UBE3C: variants seen among roughly 807,000 people sequenced by gnomAD.
UBE3C encodes the protein ubiquitin-protein ligase E3C.
A neutral mutation model predicts 129.4 loss-of-function variants in UBE3C; 42 were observed. The observed-to-expected ratio is 0.32, with a 90% CI of 0.25 to 0.42. The LOEUF (loss-of-function observed/expected upper bound fraction) is 0.42. Ranked by LOEUF, UBE3C falls within the 10% of genes least tolerant of loss-of-function variation. The pLI, the probability that UBE3C is intolerant of heterozygous loss-of-function variation, is 1.00. For synonymous variants in UBE3C, 510 were observed against 492.4 expected (o/e 1.04, Z -0.47); for missense variants, 1,049 against 1,319.1 (o/e 0.80, Z 3.17).
rs562001596 is a variant in UBE3C, at chr7:157,235,092, G to A, written c.2481+3765G>A. ...TTTAATCCCAGCTACTCCAGAGGCT[G>A]AGGCAGGATAATGGCTTGAACCTGG... On this transcript the variant is annotated intron_variant, in intron 18 of 22. Transcript: ENST00000348165. 3.3e-5 allele frequency among the ~76,000 whole-genome samples: 5 copies of A among 152,284 alleles called. No individual in the cohort carries two copies. The East Asian group carries it at 9.6e-4, about 29-fold the overall frequency.
chr7:157,238,495 G>C (rs533663587), intron 18 of UBE3C, among the ~76,000 whole-genome samples: 4 of 152,154 alleles, frequency 2.6e-5, no homozygotes, highest in Admixed American at 6.6e-5. Flanking sequence ...TGGGATGTGT[G>C]AGGACAGGAG....
At chr7:157,254,563 A>G (rs940757702) in intron 21 of UBE3C, among the ~76,000 whole-genome samples, 2 of 151,364 alleles carry the variant, frequency 1.3e-5, no homozygotes, top group African/African-American at 4.8e-5. Flanking sequence ...AGGCCCAACT[A>G]ATTTTTGTAC....
intron 10 of UBE3C, among the ~76,000 whole-genome samples, chr7:157,199,734 G>A (rs1287900096): frequency 6.6e-6 from 1 of 152,062 alleles, no homozygotes; most frequent in Non-Finnish European, 1.5e-5. Context: ...GCCTCCCAAA[G>A]TGCTGGGATT....
At chr7:157,175,731 G>A (rs543491423) in intron 5 of UBE3C, among the ~76,000 whole-genome samples, 53 of 152,228 alleles carry the variant, frequency 3.5e-4, no homozygotes, top group Non-Finnish European at 6.5e-4. Flanking sequence ...CCAAAGGTAG[G>A]AATAAAGAAC....
chr7:157,165,461 G>A (rs537347344), intron 2 of UBE3C, among the ~76,000 whole-genome samples: 5 of 148,072 alleles, frequency 3.4e-5, no homozygotes, highest in South Asian at 2.1e-4. Flanking sequence ...GCAGTGGCAC[G>A]ATCTCAGCTC....
chr7:157,208,977 C>A (rs893587309), intron 13 of UBE3C, among the ~76,000 whole-genome samples: 3 of 152,240 alleles, frequency 2.0e-5, no homozygotes, highest in Non-Finnish European at 4.4e-5. Context: ...CAGTTCGAGT[C>A]ATCAGCTGTC....
chr7:157,163,778 C>T (rs989755687), intron 1 of UBE3C, 32 bp from the exon 2 acceptor site: 13 of 1,603,184 alleles, frequency 8.1e-6, no homozygotes, highest in African/African-American at 1.3e-5. Context: ...GAAATTATAA[C>T]CTTACCTCCT....
chr7:157,264,236 G>A, intron 22 of UBE3C, among the ~76,000 whole-genome samples: 1 of 140,464 alleles, frequency 7.1e-6, no homozygotes, highest in African/African-American at 2.8e-5. Flanking sequence ...TGCTCGGCCT[G>A]TTACACACAC....
At chr7:157,165,492 G>C (rs113639813) in intron 2 of UBE3C, among the ~76,000 whole-genome samples, 2 of 151,320 alleles carry the variant, frequency 1.3e-5, no homozygotes, top group Non-Finnish European at 2.9e-5. Flanking sequence ...CCGCCTTCCA[G>C]GTTCAAGCGA....
At chr7:157,178,051 G>C (rs900482903) in intron 5 of UBE3C, among the ~76,000 whole-genome samples, 1 of 151,942 alleles carries the variant, frequency 6.6e-6, no homozygotes, top group Non-Finnish European at 1.5e-5. Context: ...GGATTGGGGT[G>C]GGGGGAAAGA....
At position 157,257,144 on chromosome 7, in the gene UBE3C, T is replaced by C. The variant is rs186354708; in HGVS notation, c.3081+100T>C. On this transcript the variant is annotated intron_variant, in intron 22 of 22. Coordinates refer to ENST00000348165, the MANE Select transcript of UBE3C (RefSeq NM_014671.3). Reference sequence around the variant, plus strand: ...AAATGAAGTCCTTTTACATACACTTTTGTTTTTATCTTCAGCTAGATTTTT... The same window carrying C: ...AAATGAAGTCCTTTTACATACACTTCTGTTTTTATCTTCAGCTAGATTTTT... The C allele has an allele frequency of 9.9e-4, 1,461 of 1,482,060 alleles. 1 individual carries two copies. Among genetic ancestry groups the C allele is most frequent in the Non-Finnish European group, 7.3e-4 (796 of 1,097,730 alleles). The allele number at this position is 1,482,060 out of a possible 1,614,324, so 91.8% of individuals were successfully genotyped here.
intron 6 of UBE3C, among the ~76,000 whole-genome samples, chr7:157,180,106 C>G (rs529601496): frequency 6.6e-6 from 1 of 152,266 alleles, no homozygotes; most frequent in African/African-American, 2.4e-5. Flanking sequence ...AAAAATCTTA[C>G]ACAGAAACTG....
At chr7:157,212,922 T>C (rs1334400422) in intron 13 of UBE3C, among the ~76,000 whole-genome samples, 1 of 151,984 alleles carries the variant, frequency 6.6e-6, no homozygotes, top group Non-Finnish European at 1.5e-5. Flanking sequence ...CACACCCGGC[T>C]AATTTTTGTA....
chr7:157,207,001 T>C (rs1809452350), intron 11 of UBE3C, among the ~76,000 whole-genome samples: 1 of 152,242 alleles, frequency 6.6e-6, no homozygotes, highest in African/African-American at 2.4e-5. Context: ...CAGAATGATT[T>C]GCCTTTATTA....
At chr7:157,153,872 G>A (rs1412410482) in intron 1 of UBE3C, among the ~76,000 whole-genome samples, 1 of 151,904 alleles carries the variant, frequency 6.6e-6, no homozygotes, top group African/African-American at 2.4e-5. Flanking sequence ...ATGTACCTGT[G>A]GTTTCAGTTA....
At chr7:157,211,191 A>AGAGAGAGAGAGAGC (rs1481725592) in intron 13 of UBE3C, among the ~76,000 whole-genome samples, 2 of 151,586 alleles carry the variant, frequency 1.3e-5, no homozygotes, top group African/African-American at 4.9e-5. Context: ...AGAGAGAGAG[A>AGAGAGAGAGAGAGC]GAGCCATACT....
intron 4 of UBE3C, among the ~76,000 whole-genome samples, chr7:157,171,687 T>TAGATATA (rs1491094674): frequency 3.2e-4 from 2 of 6,178 alleles, no homozygotes; most frequent in African/African-American, 1.7e-3. Flanking sequence ...TATATATATA[T>TAGATATA]TTTTTTTTTT....
intron 11 of UBE3C, among the ~76,000 whole-genome samples, chr7:157,207,025 G>A (rs1809452965): frequency 6.6e-6 from 1 of 152,238 alleles, no homozygotes; most frequent in Admixed American, 6.5e-5. Flanking sequence ...ATGTTGAGTA[G>A]AAGGGAAGGG....
At chr7:157,186,269 C>G (rs551611564) in intron 9 of UBE3C, among the ~76,000 whole-genome samples, 1 of 151,916 alleles carries the variant, frequency 6.6e-6, no homozygotes, top group Non-Finnish European at 1.5e-5. Flanking sequence ...ACTAAAAATA[C>G]AAAAATTAGC....
Sources: allele counts gnomAD v4.1 joint callset (sites outside exome capture counted in the v4.1 genomes callset), GRCh38; gene constraint gnomAD v4.1.1; transcripts MANE v1.5; gene names NCBI Gene and HGNC (gene_info 2026-07-23, HGNC 2026-07-21).